ADRA1B: variants seen among roughly 807,000 people sequenced by gnomAD.
ADRA1B encodes the protein adrenoceptor alpha 1B.
ADRA1B carries 17 observed loss-of-function variants against 17.9 expected under a neutral mutation model. The ratio of observed to expected loss-of-function variants is 0.95; its 90% confidence interval spans 0.65 to 1.42. The LOEUF (loss-of-function observed/expected upper bound fraction) is 1.42, where lower values mean the gene tolerates loss of function less well. ADRA1B is among the 40% of genes most tolerant of loss of function. The pLI is 0.00. For missense variants in ADRA1B, 681 were observed against 722.1 expected, an observed-to-expected ratio of 0.94 and a Z score of 0.65; for synonymous variants, 366 against 327.6, an observed-to-expected ratio of 1.12 and a Z score of -1.27.
chr5:159,927,312 G>C (rs1025608275), intron 1 of ADRA1B, among the ~76,000 whole-genome samples: 7 of 151,682 alleles, frequency 4.6e-5, no homozygotes, highest in African/African-American at 1.7e-4. Context: ...CTTTATAGCA[G>C]AGCCAGATAG....
At chr5:159,944,962 A>T (rs966291512) in intron 1 of ADRA1B, among the ~76,000 whole-genome samples, 3 of 152,236 alleles carry the variant, frequency 2.0e-5, no homozygotes, top group African/African-American at 4.8e-5. Context: ...GTGATATCAG[A>T]TAATTGCAGG....
intron 1 of ADRA1B, among the ~76,000 whole-genome samples, chr5:159,953,623 T>G (rs569940865): frequency 3.7e-4 from 57 of 152,328 alleles, no homozygotes; most frequent in Non-Finnish European, 7.2e-4. Context: ...AGCAAATTCC[T>G]TAATCAGGCT....
chr5:159,940,998 T>C (rs1755108726), intron 1 of ADRA1B, among the ~76,000 whole-genome samples: 1 of 152,230 alleles, frequency 6.6e-6, no homozygotes, highest in Non-Finnish European at 1.5e-5. Context: ...CTCTGTGTTG[T>C]CTGTGACAAG....
exon 1 of ADRA1B, chr5:159,865,180 G>T (rs554160697): frequency 6.6e-6 from 1 of 152,138 alleles, no homozygotes; most frequent in Non-Finnish European, 1.5e-5. Flanking sequence ...GAAACGGGGC[G>T]CACTTTGGAA....
At chr5:159,976,422 G>A (rs115782681), downstream of ADRA1B, among the ~76,000 whole-genome samples, 2,041 of 152,048 alleles carry the variant, frequency 0.013, 33 homozygotes, top group African/African-American at 0.039. Context: ...CGGGAGGCTG[G>A]GTGGATCATT....
rs989832048 is a variant in ADRA1B, at chr5:159,972,107, G to A, written c.1178G>A (p.Arg393His). The A allele has an allele frequency of 1.5e-6, 2 of 1,296,630 alleles. No individual in the cohort carries two copies. The highest frequency in any genetic ancestry group is 1.6e-5 in the African/African-American group (1 of 63,982). The allele number at this position is 1,296,630 out of a possible 1,614,324, so 80.3% of individuals were successfully genotyped here. A position where few individuals can be genotyped will look rare whatever the true frequency, so the allele number is the denominator to read the frequency against. The change falls in exon 2 of 2, where the codon CGC (arginine) becomes CAC (histidine). Residue 393 changes from arginine to histidine, a missense_variant. This residue lies in a region of ADRA1B where 251 missense variants were observed against 224.9 expected (regional missense o/e 1.12). Transcript: ENST00000306675. ...GCAYTYRPWTRGGSLERSQSR... is the reference protein window; with the variant it reads ...GCAYTYRPWTHGGSLERSQSR... Reference sequence around the variant, plus strand: ...GCCTACACCTACCGGCCGTGGACGCGCGGCGGCTCGCTGGAGCGCTCGCAG... The same window carrying A: ...GCCTACACCTACCGGCCGTGGACGCACGGCGGCTCGCTGGAGCGCTCGCAG...
At chr5:159,904,297 AG>A (rs1325946539) in intron 1 of ADRA1B, among the ~76,000 whole-genome samples, 1 of 152,222 alleles carries the variant, frequency 6.6e-6, no homozygotes, top group East Asian at 1.9e-4. Context: ...AAATGAGGAA[AG>A]GGCTACACAA....
chr5:159,918,859 C>T lies in ADRA1B; in HGVS notation c.949+1005C>T, dbSNP rs78239459. Among the ~76,000 whole-genome samples, 49 of 152,256 alleles carry T rather than the reference C, an allele frequency of 3.2e-4. No individual in the cohort carries two copies. In the East Asian group the frequency reaches 8.7e-3, roughly 27 times the overall value. ...GCACTGATCTGCTTTGATTCCTTCT[C>T]CTATCCCTGGGGGACACTACAGAAA... On this transcript the variant is annotated intron_variant, in intron 1 of 1. Coordinates refer to ENST00000306675, the MANE Select transcript of ADRA1B (RefSeq NM_000679.4).
At chr5:159,884,789 A>G (rs1247985431) in intron 1 of ADRA1B, among the ~76,000 whole-genome samples, 1 of 152,234 alleles carries the variant, frequency 6.6e-6, no homozygotes, top group Non-Finnish European at 1.5e-5. Flanking sequence ...ACCACCCTGC[A>G]ATGCAAAACA....
Position 159,874,970 on chromosome 5 carries a change from G to A in ADRA1B, c.-256+9764G>A, listed in dbSNP as rs557236338. Among the ~76,000 whole-genome samples the A allele has an allele frequency of 7.5e-4, 114 of 152,202 alleles. 1 individual carries two copies. Among genetic ancestry groups the A allele is most frequent in the African/African-American group, 2.5e-3 (105 of 41,532 alleles). On this transcript the variant is annotated intron_variant, in intron 1 of 2. Coordinates refer to the ADRA1B transcript ENST00000641205. ...TGGGCTAAATGAGAACTGAGAATTC[G>A]TGCTCCTAGACAAAACTGGTGTCTT...
chr5:159,884,724 C>T (rs1381945942), intron 1 of ADRA1B, among the ~76,000 whole-genome samples: 1 of 152,198 alleles, frequency 6.6e-6, no homozygotes, highest in African/African-American at 2.4e-5. Context: ...ACTATGTAAT[C>T]TGTAACCATA....
At chr5:159,957,929 CAAAAA>C (rs35956137) in intron 1 of ADRA1B, among the ~76,000 whole-genome samples, 1 of 66,850 alleles carries the variant, frequency 1.5e-5, no homozygotes, top group African/African-American at 6.7e-5. Flanking sequence ...AACCCCATCT[CAAAAA>C]AAAAAAAAAA....
chr5:159,872,681 C>G (rs1163925075), intron 1 of ADRA1B, among the ~76,000 whole-genome samples: 2 of 152,196 alleles, frequency 1.3e-5, no homozygotes, highest in East Asian at 3.9e-4. Flanking sequence ...TGTCTGACTG[C>G]TTGGTCAAGA....
chr5:159,948,152 A>G (rs554146932), intron 1 of ADRA1B: 1 of 985,276 alleles, frequency 1.0e-6, no homozygotes, highest in Non-Finnish European at 1.2e-6. Context: ...GTTAATCATA[A>G]CAGGACTTTG....
intron 1 of ADRA1B, among the ~76,000 whole-genome samples, chr5:159,871,804 T>G (rs564026119): frequency 4.7e-4 from 72 of 152,338 alleles, no homozygotes; most frequent in Non-Finnish European, 8.1e-4. Flanking sequence ...AGCCCTGTTT[T>G]GACAGTCTTT....
the ADRA1B span, among the ~76,000 whole-genome samples, chr5:159,987,235 G>C: frequency 6.6e-6 from 1 of 152,236 alleles, no homozygotes; most frequent in Non-Finnish European, 1.5e-5. Flanking sequence ...GTAAATATTT[G>C]CCTTCGGGTT....
intron 1 of ADRA1B, among the ~76,000 whole-genome samples, chr5:159,909,540 T>A (rs750337153): frequency 6.6e-6 from 1 of 152,368 alleles, no homozygotes; most frequent in Non-Finnish European, 1.5e-5. Context: ...ATGGAGAAAC[T>A]TGAGATTTGT....
chr5:159,871,336 T>C (rs1753736699), intron 1 of ADRA1B: 1 of 152,196 alleles, frequency 6.6e-6, no homozygotes, highest in South Asian at 2.1e-4. Context: ...TATATTGGTC[T>C]CTAAGGCTCC....
chr5:159,912,582 C>A (rs902892130), upstream of ADRA1B, among the ~76,000 whole-genome samples: 1 of 152,204 alleles, frequency 6.6e-6, no homozygotes, highest in East Asian at 1.9e-4. Context: ...TAACATTGAA[C>A]CTTCTGCTGC....
Sources: allele counts gnomAD v4.1 joint callset (sites outside exome capture counted in the v4.1 genomes callset), GRCh38; gene constraint gnomAD v4.1.1; regional missense constraint gnomAD v4.1.1; transcripts MANE v1.5; gene names NCBI Gene and HGNC (gene_info 2026-07-23, HGNC 2026-07-21).